CASK: variants seen among roughly 807,000 people sequenced by gnomAD.
The protein encoded by CASK is peripheral plasma membrane protein CASK.
In CASK, 4 loss-of-function variants were observed where a neutral mutation model predicts 82.9. That is an observed-to-expected ratio of 0.05 (90% CI 0.02 to 0.11). CASK has a LOEUF of 0.11. Among genes scored for constraint, CASK ranks in the 10% least tolerant of loss-of-function variants. The pLI is 1.00. For synonymous variants in CASK, 259 were observed against 253.5 expected (o/e 1.02, Z -0.20); for missense variants, 358 against 720.9 (o/e 0.50, Z 5.76).
chrX:41,779,488 T>A (rs954326798), intron 3 of CASK, among the ~76,000 whole-genome samples: 2 of 112,014 alleles, frequency 1.8e-5, no homozygotes, highest in African/African-American at 6.5e-5. Context: ...TAGTGAATCA[T>A]CAAGCCTGGG....
intron 1 of CASK, among the ~76,000 whole-genome samples, chrX:41,879,476 C>T: frequency 8.9e-6 from 1 of 111,739 alleles, no homozygotes; most frequent in East Asian, 2.8e-4. Flanking sequence ...GCTCCCCCCT[C>T]TCAAAATACT....
intron 6 of CASK, 104 bp downstream of exon 6, chrX:41,671,324 G>T: frequency 1.9e-6 from 1 of 536,883 alleles, no homozygotes; most frequent in South Asian, 2.5e-5. Context: ...GGGGTGGAAT[G>T]AGGTATGAAA....
chrX:41,837,852 C>A (rs770326021), intron 2 of CASK, among the ~76,000 whole-genome samples: 55 of 111,965 alleles, frequency 4.9e-4, no homozygotes, highest in African/African-American at 1.6e-3. Context: ...TTAGGATGTA[C>A]ATTTCCCAGG....
At chrX:41,905,979 G>C (rs926887743) in intron 1 of CASK, among the ~76,000 whole-genome samples, 14 of 111,921 alleles carry the variant, frequency 1.3e-4, no homozygotes, top group Non-Finnish European at 2.6e-4. Context: ...AGGGAAACCA[G>C]GTATTATTCA....
chrX:41,865,696 C>T (rs1317504107), intron 1 of CASK, among the ~76,000 whole-genome samples: 1 of 110,793 alleles, frequency 9.0e-6, no homozygotes, highest in Non-Finnish European at 1.9e-5. Context: ...GGGTGGTCAC[C>T]CTGCTTAGGT....
chrX:41,791,731 A>G (rs1306916056), intron 2 of CASK, among the ~76,000 whole-genome samples: 1 of 108,922 alleles, frequency 9.2e-6, no homozygotes, highest in African/African-American at 3.3e-5. Flanking sequence ...TCAGATTAAA[A>G]AAAAAAAAAA....
chrX:41,900,035 GTTTTT>G (rs992999627), intron 1 of CASK, among the ~76,000 whole-genome samples: 5 of 106,524 alleles, frequency 4.7e-5, no homozygotes, highest in African/African-American at 1.7e-4. Context: ...TGGTTGGCAG[GTTTTT>G]TGTTTTGTTT....
chrX:41,667,604 A>AT (rs2067136485), intron 6 of CASK, among the ~76,000 whole-genome samples: 1 of 111,072 alleles, frequency 9.0e-6, no homozygotes, highest in African/African-American at 3.3e-5. Context: ...TGTTTTAATA[A>AT]TTTTTTTGCA....
chrX:41,584,312 T>A (rs2065624215), intron 14 of CASK: 1 of 112,512 alleles, frequency 8.9e-6, no homozygotes, highest in East Asian at 2.8e-4. Flanking sequence ...CGAGGTTGAC[T>A]CAGAGTCAGA....
At chrX:41,905,558 A>C (rs1177433392) in intron 1 of CASK, among the ~76,000 whole-genome samples, 1 of 112,827 alleles carries the variant, frequency 8.9e-6, no homozygotes, top group Non-Finnish European at 1.9e-5. Flanking sequence ...GTGAATTTTA[A>C]ATTTTAATTT....
intron 5 of CASK, chrX:41,676,510 C>T: frequency 8.4e-7 from 1 of 1,183,472 alleles, no homozygotes. Flanking sequence ...GATGTTCCCG[C>T]AGTGGGCTCC....
intron 1 of CASK, among the ~76,000 whole-genome samples, chrX:41,873,086 A>G (rs1291761636): frequency 1.8e-5 from 2 of 111,140 alleles, no homozygotes; most frequent in African/African-American, 3.3e-5. Context: ...TTTGAATATT[A>G]CCTAAAATGC....
intron 12 of CASK, among the ~76,000 whole-genome samples, chrX:41,609,179 G>A (rs1193915391): frequency 5.4e-5 from 6 of 111,998 alleles, no homozygotes; most frequent in Non-Finnish European, 9.4e-5. Context: ...GCAATGGAGC[G>A]ATCTCGGCTC....
At chrX:41,537,160 T>C (rs1343624831) in intron 22 of CASK, among the ~76,000 whole-genome samples, 2 of 110,720 alleles carry the variant, frequency 1.8e-5, no homozygotes, top group East Asian at 5.6e-4. Context: ...ATGTCAACCA[T>C]CAAAACCACA....
chrX:41,630,490 C>T (rs908943363), intron 9 of CASK, among the ~76,000 whole-genome samples: 1 of 111,735 alleles, frequency 8.9e-6, no homozygotes. Context: ...ACCTTAAATA[C>T]AAAATACACA....
At chrX:41,837,938 A>G (rs1316026783) in intron 2 of CASK, among the ~76,000 whole-genome samples, 2 of 112,254 alleles carry the variant, frequency 1.8e-5, no homozygotes, top group Non-Finnish European at 3.8e-5. Context: ...TTCTGGAGTG[A>G]CTGTACCACT....
At chrX:41,648,541 G>C (rs922971026) in intron 8 of CASK, among the ~76,000 whole-genome samples, 10 of 110,851 alleles carry the variant, frequency 9.0e-5, no homozygotes, top group African/African-American at 3.3e-4. Flanking sequence ...GGCTCGAAAG[G>C]CATCACAGAT....
At chrX:41,647,026 C>A (rs2066769705) in intron 8 of CASK, among the ~76,000 whole-genome samples, 2 of 112,006 alleles carry the variant, frequency 1.8e-5, no homozygotes, top group Non-Finnish European at 3.8e-5. Flanking sequence ...ACTGCAATGG[C>A]CACCACTGCT....
intron 2 of CASK, among the ~76,000 whole-genome samples, chrX:41,830,447 C>T (rs1217254812): frequency 9.0e-6 from 1 of 111,174 alleles, no homozygotes; most frequent in Non-Finnish European, 1.9e-5. Flanking sequence ...AATTATATGA[C>T]CTCATTATAT....
Sources: gnomAD v4.1 joint callset for allele counts (sites outside exome capture counted in the v4.1 genomes callset) on GRCh38, gnomAD v4.1.1 for gene constraint, MANE v1.5 for transcripts, NCBI Gene and HGNC (gene_info 2026-07-23, HGNC 2026-07-21) for gene names.